Variants in KCNE1 observed in about 807,000 individuals in gnomAD.
KCNE1 encodes the protein potassium voltage-gated channel subfamily E member 1.
Under a neutral mutation model 2.9 loss-of-function variants are expected in KCNE1, and 1 was observed. The observed-to-expected ratio is 0.34, with a 90% CI of 0.12 to 1.62. The LOEUF (loss-of-function observed/expected upper bound fraction) is 1.62. KCNE1 is among the 40% of genes most tolerant of loss of function. The pLI is 0.36. For synonymous variants in KCNE1, 23 were observed against 65.4 expected, an observed-to-expected ratio of 0.35 and a Z score of 3.13; for missense variants, 45 against 150.5, an observed-to-expected ratio of 0.30 and a Z score of 3.67.
In KCNE1 at chr21:34,446,696, T is replaced by C. The variant is rs1179678920; in HGVS notation, c.*2549A>G. 2 of 74,376 alleles carry C rather than the reference T, an allele frequency of 2.7e-5. 1 individual carries two copies. Among genetic ancestry groups the C allele is most frequent in the Non-Finnish European group, 5.9e-5 (2 of 34,142 alleles). The allele number at this position is 74,376 out of a possible 1,614,324, so 4.6% of individuals were successfully genotyped here. On this transcript the variant is annotated 3_prime_UTR_variant, in exon 4 of 4. Coordinates refer to ENST00000399286, the MANE Select transcript of KCNE1 (RefSeq NM_000219.6). ...TAAGAACACACATCACAGATCATAGTAAATGGCTTTAATTTTTTAGCGAAA... is the reference window on the plus strand; with the variant it reads ...TAAGAACACACATCACAGATCATAGCAAATGGCTTTAATTTTTTAGCGAAA...
At chr21:34,504,001 A>G (rs541758875) in intron 2 of KCNE1, among the ~76,000 whole-genome samples, 1 of 152,270 alleles carries the variant, frequency 6.6e-6, no homozygotes, top group African/African-American at 2.4e-5. Flanking sequence ...ACCATCCCCC[A>G]TGTCCGGTCA....
At chr21:34,500,385 C>T (rs912987887) in intron 2 of KCNE1, among the ~76,000 whole-genome samples, 7 of 152,222 alleles carry the variant, frequency 4.6e-5, no homozygotes, top group Non-Finnish European at 1.0e-4. Context: ...CCAAGTGCCA[C>T]GTTTGACAGT....
chr21:34,495,528 A>ATTTTT (rs1982753588), intron 2 of KCNE1, among the ~76,000 whole-genome samples: 3 of 91,920 alleles, frequency 3.3e-5, no homozygotes, highest in Non-Finnish European at 4.4e-5. Flanking sequence ...TTTGTTGGGA[A>ATTTTT]TTTTTGTATT....
intron 2 of KCNE1, among the ~76,000 whole-genome samples, chr21:34,505,450 T>A (rs1394234545): frequency 6.6e-6 from 1 of 152,120 alleles, no homozygotes; most frequent in Non-Finnish European, 1.5e-5. Context: ...GATCACCTTT[T>A]TTTTTTTGGA....
chr21:34,500,699 T>C (rs1342810381), intron 2 of KCNE1, among the ~76,000 whole-genome samples: 3 of 152,246 alleles, frequency 2.0e-5, no homozygotes, highest in East Asian at 3.8e-4. Context: ...TACACACATA[T>C]ATAATCTTAT....
At chr21:34,508,719 T>A in intron 2 of KCNE1, among the ~76,000 whole-genome samples, 1 of 152,202 alleles carries the variant, frequency 6.6e-6, no homozygotes, top group Non-Finnish European at 1.5e-5. Flanking sequence ...TGGACAGTAT[T>A]ACAAAAAATA....
intron 2 of KCNE1, 46 bp downstream of exon 2, chr21:34,511,055 A>G: frequency 1.3e-6 from 1 of 746,336 alleles, no homozygotes; most frequent in Non-Finnish European, 1.6e-6. Context: ...GTGGGAGCAG[A>G]GGGTGCCTAA....
At chr21:34,498,424 A>T (rs1364335254) in intron 2 of KCNE1, among the ~76,000 whole-genome samples, 1 of 152,102 alleles carries the variant, frequency 6.6e-6, no homozygotes, top group Non-Finnish European at 1.5e-5. Context: ...CCCTTCCCCT[A>T]GGGATGGGGC....
chr21:34,504,503 C>T (rs1176572332), intron 2 of KCNE1, among the ~76,000 whole-genome samples: 1 of 152,196 alleles, frequency 6.6e-6, no homozygotes, highest in African/African-American at 2.4e-5. Flanking sequence ...CCTTGGAAAA[C>T]AGGTCCCCAA....
At chr21:34,501,640 G>A (rs1380171076) in intron 2 of KCNE1, among the ~76,000 whole-genome samples, 1 of 152,196 alleles carries the variant, frequency 6.6e-6, no homozygotes, top group Non-Finnish European at 1.5e-5. Flanking sequence ...TCCAAGAGGT[G>A]GTGGTTGGTT....
chr21:34,503,679 G>C (rs1482799729), intron 2 of KCNE1, among the ~76,000 whole-genome samples: 1 of 152,160 alleles, frequency 6.6e-6, no homozygotes, highest in Non-Finnish European at 1.5e-5. Flanking sequence ...GACTTCAACT[G>C]TATATCAGGA....
chr21:34,499,398 C>G (rs1437667895), intron 2 of KCNE1, among the ~76,000 whole-genome samples: 1 of 152,236 alleles, frequency 6.6e-6, no homozygotes, highest in Non-Finnish European at 1.5e-5. Context: ...GCACTCCTAT[C>G]TGTAGCAGTT....
intron 2 of KCNE1, among the ~76,000 whole-genome samples, chr21:34,508,626 AG>A (rs1983646995): frequency 6.6e-6 from 1 of 152,226 alleles, no homozygotes; most frequent in Non-Finnish European, 1.5e-5. Flanking sequence ...TACAGGCATG[AG>A]CCACCGCGCC....
At chr21:34,506,407 C>A (rs1390627967) in intron 2 of KCNE1, among the ~76,000 whole-genome samples, 1 of 152,188 alleles carries the variant, frequency 6.6e-6, no homozygotes, top group Non-Finnish European at 1.5e-5. Context: ...ACAATCCTGG[C>A]AGCACGTGGG....
intron 2 of KCNE1, chr21:34,510,374 G>C (rs965427004): frequency 6.6e-6 from 1 of 152,402 alleles, no homozygotes; most frequent in South Asian, 2.1e-4. Flanking sequence ...CCCTGGTCAG[G>C]TCACCTCTGG....
chr21:34,505,905 C>A (rs1983457008), intron 2 of KCNE1, among the ~76,000 whole-genome samples: 1 of 152,228 alleles, frequency 6.6e-6, no homozygotes, highest in African/African-American at 2.4e-5. Flanking sequence ...GGTCCTGCCT[C>A]CAAGTCATTG....
chr21:34,497,881 T>A (rs1176031582), intron 2 of KCNE1, among the ~76,000 whole-genome samples: 3 of 152,140 alleles, frequency 2.0e-5, no homozygotes, highest in Non-Finnish European at 2.9e-5. Context: ...TAAATTCTTT[T>A]TTTTTCTTTT....
chr21:34,498,939 G>A (rs1408824549), intron 2 of KCNE1, among the ~76,000 whole-genome samples: 1 of 152,142 alleles, frequency 6.6e-6, no homozygotes, highest in Admixed American at 6.5e-5. Flanking sequence ...TCAGGTGATG[G>A]GTGGGGCCAT....
At chr21:34,507,134 T>G (rs1173059358) in intron 2 of KCNE1, among the ~76,000 whole-genome samples, 1 of 152,148 alleles carries the variant, frequency 6.6e-6, no homozygotes, top group Non-Finnish European at 1.5e-5. Context: ...AAAAGCTCGC[T>G]CTGACAGTAG....
Sources: allele counts gnomAD v4.1 joint callset (sites outside exome capture counted in the v4.1 genomes callset), GRCh38; gene constraint gnomAD v4.1.1; transcripts MANE v1.5; gene names NCBI Gene and HGNC (gene_info 2026-07-23, HGNC 2026-07-21).